MIA2: variants seen among roughly 807,000 people sequenced by gnomAD.
The protein encoded by MIA2 is melanoma inhibitory activity protein 2.
A neutral mutation model predicts 167.8 loss-of-function variants in MIA2; 127 were observed. That is an observed-to-expected ratio of 0.76 (90% CI 0.66 to 0.88). MIA2 has a LOEUF of 0.88. MIA2 is among the 40% of genes least tolerant of loss of function. MIA2 has a pLI of 0.00. For missense variants in MIA2, 1,690 were observed against 1,624.7 expected, an observed-to-expected ratio of 1.04 and a Z score of -0.69; for synonymous variants, 552 against 541.9, an observed-to-expected ratio of 1.02 and a Z score of -0.26.
intron 18 of MIA2, among the ~76,000 whole-genome samples, chr14:39,309,768 G>T (rs550134710): frequency 1.3e-5 from 2 of 152,090 alleles, no homozygotes; most frequent in Non-Finnish European, 1.5e-5. Flanking sequence ...TACATGAGAC[G>T]TGTGGTAACT....
At chr14:39,341,052 A>T (rs139303819) in intron 25 of MIA2, among the ~76,000 whole-genome samples, 3,076 of 152,260 alleles carry the variant, frequency 0.02, 106 homozygotes, top group African/African-American at 0.068. Flanking sequence ...TTGTAATTCC[A>T]GCACTTTGGG....
intron 17 of MIA2, among the ~76,000 whole-genome samples, chr14:39,306,140 G>A (rs1242643621): frequency 6.6e-6 from 1 of 152,010 alleles, no homozygotes; most frequent in Non-Finnish European, 1.5e-5. Context: ...AATTTCTGTG[G>A]AAAGATAGTT....
chr14:39,329,763 A>T (rs2068390071), intron 25 of MIA2, among the ~76,000 whole-genome samples: 1 of 151,548 alleles, frequency 6.6e-6, no homozygotes, highest in African/African-American at 2.4e-5. Context: ...TTATGTGATG[A>T]ATTACGTTTA....
chr14:39,251,119 A>T (rs1015645066), intron 4 of MIA2, among the ~76,000 whole-genome samples: 4 of 152,198 alleles, frequency 2.6e-5, no homozygotes, highest in African/African-American at 9.7e-5. Flanking sequence ...ACTTGCTGTA[A>T]TTATAGTGCA....
At chr14:39,311,950 C>T (rs755549406) in intron 18 of MIA2, among the ~76,000 whole-genome samples, 36 of 151,600 alleles carry the variant, frequency 2.4e-4, no homozygotes, top group Non-Finnish European at 4.1e-4. Context: ...CTGCCTCAGA[C>T]TCCCGAGTAG....
Position 39,291,115 on chromosome 14 carries a change from T to C in MIA2, c.2208+19T>C, listed in dbSNP as rs1372239320. 6.3e-7 allele frequency: 1 copy of C among 1,577,604 alleles called. No individual in the cohort carries two copies. Among genetic ancestry groups the C allele is most frequent in the Non-Finnish European group, 8.6e-7 (1 of 1,166,872 alleles). Reference sequence around the variant, plus strand: ...TTTGGAGGTAGAAAATCAAATGGTATAATTTTAAAAGCTGGGGAAAAAAAT... The same window carrying C: ...TTTGGAGGTAGAAAATCAAATGGTACAATTTTAAAAGCTGGGGAAAAAAAT... On this transcript the variant is annotated intron_variant, in intron 10 of 28. Coordinates refer to ENST00000640607, the MANE Select transcript of MIA2 (RefSeq NM_001329214.4).
intron 23 of MIA2, chr14:39,385,370 C>T: frequency 9.8e-7 from 1 of 1,025,382 alleles, no homozygotes; most frequent in African/African-American, 1.6e-5. Flanking sequence ...ACAAGACATT[C>T]ATAAACTATA....
At chr14:39,354,141 A>C (rs998758275), downstream of MIA2, among the ~76,000 whole-genome samples, 3 of 152,168 alleles carry the variant, frequency 2.0e-5, no homozygotes, top group South Asian at 2.1e-4. Context: ...AATCACCACA[A>C]TCACTTCCAC....
At chr14:39,321,927 AT>A (rs946279864) in intron 24 of MIA2, among the ~76,000 whole-genome samples, 7 of 150,414 alleles carry the variant, frequency 4.7e-5, no homozygotes, top group Middle Eastern at 3.2e-3. Context: ...CACCTGGCTA[AT>A]TTTTTTTTGT....
Position 39,350,252 on chromosome 14 carries a change from G to C in MIA2, c.4227G>C (p.Gln1409His). 6.8e-7 allele frequency: 1 copy of C among 1,467,286 alleles called. No homozygotes were observed. Among genetic ancestry groups the C allele is most frequent in the South Asian group, 1.5e-5 (1 of 68,946 alleles). The allele number at this position is 1,467,286 out of a possible 1,614,324, so 90.9% of individuals were successfully genotyped here. ...CTGCTACTGAACATCCAGAACCACA[G>C]CAAGAAACCTGACAATATTTTTGCT... ...NEPATEHPEP[Q>H]QET Residue 1409 changes from glutamine (Q) to histidine (H), a missense_variant, in exon 29 of 29, where the codon CAG becomes CAC. Coordinates refer to ENST00000640607, the MANE Select transcript of MIA2 (RefSeq NM_001329214.4).
Position 39,357,037 on chromosome 14 carries a change from G to A in MIA2, c.2248+8060G>A, listed in dbSNP as rs539709032. Among the ~76,000 whole-genome samples the A allele has an allele frequency of 3.3e-5, 5 of 152,278 alleles. No homozygotes were observed. In the East Asian group the frequency reaches 5.8e-4, roughly 18 times the overall value. On this transcript the variant is annotated intron_variant, in intron 23 of 23. Coordinates refer to the MIA2 transcript ENST00000341502. ...GAAGAATATATATTCTGTTGAATTC[G>A]GGTGGAGAGTTCTGTAGATATCTAT...
chr14:39,338,774 C>T (rs946460764), intron 25 of MIA2, among the ~76,000 whole-genome samples: 2 of 152,134 alleles, frequency 1.3e-5, no homozygotes, highest in Non-Finnish European at 2.9e-5. Context: ...CATTACAGAT[C>T]AAAGAGACTT....
chr14:39,345,485 C>T lies in MIA2; in HGVS notation c.3656-419C>T, dbSNP rs2073039772. Among the ~76,000 whole-genome samples the T allele has an allele frequency of 2.0e-5, 3 of 152,136 alleles. No individual in the cohort carries two copies. The South Asian group carries it at 6.2e-4, about 32-fold the overall frequency. ...TTTCTGCTTTGATGACAAATTATCA[C>T]CTGTTCTGGTAAATTTCTTGCTGTG... is the stretch of plus-strand genomic sequence containing the variant. On this transcript the variant is annotated intron_variant, in intron 25 of 28. Coordinates refer to ENST00000640607, the MANE Select transcript of MIA2 (RefSeq NM_001329214.4).
In MIA2 at chr14:39,234,209, G is replaced by A. The variant is rs1369307236; in HGVS notation, c.95G>A (p.Cys32Tyr). ...AAACTGCTGGCAGACCTTAAAAAAT[G>A]TGGTGACTTGGAATGTGAAGGTAAG... Reference protein sequence around the residue: ...STKLLADLKKCGDLECEALIN... With the variant: ...STKLLADLKKYGDLECEALIN... The change falls in exon 1 of 29, where the codon TGT becomes TAT. Residue 32 changes from cysteine (C) to tyrosine (Y), a missense_variant. Cys to Tyr is a radical substitution (Grantham distance 194). Coordinates refer to ENST00000640607, the MANE Select transcript of MIA2 (RefSeq NM_001329214.4). The A allele has an allele frequency of 1.2e-6, 2 of 1,607,596 alleles. No homozygotes were observed. Among genetic ancestry groups the A allele is most frequent in the Admixed American group, 1.7e-5 (1 of 58,906 alleles).
chr14:39,362,673 T>C (rs921617171), intron 23 of MIA2, among the ~76,000 whole-genome samples: 1 of 152,198 alleles, frequency 6.6e-6, no homozygotes, highest in Non-Finnish European at 1.5e-5. Context: ...TTCTAGTCTC[T>C]ATTTTGTTTA....
chr14:39,358,333 A>G (rs2074585237), intron 23 of MIA2, among the ~76,000 whole-genome samples: 1 of 152,052 alleles, frequency 6.6e-6, no homozygotes, highest in African/African-American at 2.4e-5. Context: ...CCTTTCTTCC[A>G]GTTGATCAAA....
At chr14:39,337,666 A>G (rs2070749078) in intron 25 of MIA2, among the ~76,000 whole-genome samples, 1 of 152,210 alleles carries the variant, frequency 6.6e-6, no homozygotes, top group Admixed American at 6.5e-5. Context: ...TCAATGGTTG[A>G]GTGAAGAAAA....
chr14:39,277,680 ATATATAT>A (rs2058228443), intron 7 of MIA2, among the ~76,000 whole-genome samples: 2 of 14,432 alleles, frequency 1.4e-4, no homozygotes, highest in Non-Finnish European at 2.5e-4. Flanking sequence ...TTTTATATAT[ATATATAT>A]GTGTGTATAT....
intron 6 of MIA2, chr14:39,266,954 G>C (rs923101383): frequency 6.0e-6 from 4 of 671,034 alleles, no homozygotes; most frequent in Non-Finnish European, 7.4e-6. Flanking sequence ...GGGTTGTGCG[G>C]CTCACACGAC....
Sources: gnomAD v4.1 joint callset for allele counts (sites outside exome capture counted in the v4.1 genomes callset) on GRCh38, gnomAD v4.1.1 for gene constraint, MANE v1.5 for transcripts, NCBI Gene and HGNC (gene_info 2026-07-23, HGNC 2026-07-21) for gene names.